Variants in KCNJ6 observed in about 807,000 individuals in gnomAD.
KCNJ6 encodes potassium inwardly rectifying channel subfamily J member 6, also known as G protein-activated inward rectifier potassium channel 2.
A neutral mutation model predicts 34.2 loss-of-function variants in KCNJ6; 9 were observed. The observed-to-expected ratio is 0.26, with a 90% CI of 0.16 to 0.46. The LOEUF (loss-of-function observed/expected upper bound fraction) is 0.46. Ranked by LOEUF, KCNJ6 falls within the 20% of genes least tolerant of loss-of-function variation. The probability of loss-of-function intolerance (pLI) is 1.00; values close to 1 mark genes in which losing one functional copy is unlikely to be tolerated. For synonymous variants in KCNJ6, 196 were observed against 207.1 expected (o/e 0.95, Z 0.46); for missense variants, 236 against 531.3 (o/e 0.44, Z 5.46).
rs117550867 is a variant in KCNJ6 at position 37,701,382 on chromosome 21, C to T, written c.946+12829G>A. ...GTAGAGGCTTCAGGTTTGACCAAGA[C>T]CAGGTTAACTTTTTGTGTGTGTGTG... On this transcript the variant is annotated intron_variant, in intron 3 of 3. Transcript: ENST00000609713. Among the ~76,000 whole-genome samples the T allele has an allele frequency of 4.2e-3, 564 of 135,840 alleles. 3 individuals are homozygous for T. Among genetic ancestry groups the T allele is most frequent in the Middle Eastern group, 7.2e-3 (2 of 278 alleles). 89.1% of individuals were successfully genotyped at this position (135,840 alleles called of 152,430 possible). A position where few individuals can be genotyped will look rare whatever the true frequency, so the allele number is the denominator to read the frequency against.
intron 3 of KCNJ6, among the ~76,000 whole-genome samples, chr21:37,677,444 G>T (rs2054569648): frequency 6.6e-6 from 1 of 152,048 alleles, no homozygotes; most frequent in African/African-American, 2.4e-5. Flanking sequence ...CAAATCCTTG[G>T]GTTTGCAGAA....
At chr21:37,853,835 C>CATATATATGTGTGT (rs1399366665) in intron 1 of KCNJ6, among the ~76,000 whole-genome samples, 2 of 43,238 alleles carry the variant, frequency 4.6e-5, no homozygotes, top group Non-Finnish European at 7.5e-5. Context: ...TTAAGAGATA[C>CATATATATGTGTGT]ATATATATAT....
intron 1 of KCNJ6, among the ~76,000 whole-genome samples, chr21:37,856,744 T>A (rs2055567150): frequency 6.6e-6 from 1 of 152,180 alleles, no homozygotes; most frequent in African/African-American, 2.4e-5. Context: ...ATTTTCCATT[T>A]TTCAAAATTA....
chr21:37,617,059 TTTCTTTTCTTTTC>T lies in KCNJ6; in HGVS notation c.*8087_*8099del, dbSNP rs2054272984. ...TTCTTTCTTTCTTTCTTTCTTTTCTTTTCTTTTCTTTTCTTTTCTTTCTTTTTCTTTCTTTCTT... is the reference window on the plus strand; with the variant it reads ...TTCTTTCTTTCTTTCTTTCTTTTCTTTTTTCTTTCTTTTTCTTTCTTTCTT... On this transcript the variant is annotated 3_prime_UTR_variant, in exon 4 of 4. Coordinates refer to ENST00000609713, the MANE Select transcript of KCNJ6 (RefSeq NM_002240.5). 3 of 13,140 alleles carry T rather than the reference TTTCTTTTCTTTTC, an allele frequency of 2.3e-4. No individual in the cohort carries two copies. The highest frequency in any genetic ancestry group is 1.1e-3 in the African/African-American group (3 of 2,820). The allele number at this position is 13,140 out of a possible 1,614,324, so 0.8% of individuals were successfully genotyped here.
chr21:37,899,026 A>C (rs2055803589), intron 1 of KCNJ6, among the ~76,000 whole-genome samples: 1 of 152,250 alleles, frequency 6.6e-6, no homozygotes, highest in African/African-American at 2.4e-5. Context: ...AAGGTTAAAA[A>C]GAACTTACAT....
chr21:37,851,658 CTG>C (rs1206354676), intron 1 of KCNJ6, among the ~76,000 whole-genome samples: 1 of 152,102 alleles, frequency 6.6e-6, no homozygotes, highest in Non-Finnish European at 1.5e-5. Flanking sequence ...GTCCTAATCT[CTG>C]TTGTTCTTTT....
chr21:37,757,832 G>A (rs965699846), intron 2 of KCNJ6, among the ~76,000 whole-genome samples: 8 of 152,260 alleles, frequency 5.3e-5, no homozygotes, highest in African/African-American at 1.7e-4. Context: ...TGGCTGGCTC[G>A]AGCCCAGGTT....
chr21:37,656,111 A>G (rs857966), intron 3 of KCNJ6, among the ~76,000 whole-genome samples: 123,805 of 152,048 alleles, frequency 0.81, 51,536 homozygotes, highest in East Asian at 0.91. Flanking sequence ...GCCTGGACTC[A>G]GCGTGATGCT....
chr21:37,628,602 A>G (rs1468988513), intron 3 of KCNJ6, among the ~76,000 whole-genome samples: 1 of 152,200 alleles, frequency 6.6e-6, no homozygotes, highest in Non-Finnish European at 1.5e-5. Context: ...GTATAAAGAG[A>G]AAATAGCAGA....
Position 37,607,482 on chromosome 21 carries a change from A to ATATATATATATATTTTT in KCNJ6, c.*17676_*17677insAAAAATATATATATATA. The ATATATATATATATTTTT allele has an allele frequency of 5.9e-3, 807 of 136,592 alleles. 3 individuals carry two copies. Among genetic ancestry groups the ATATATATATATATTTTT allele is most frequent in the South Asian group, 0.011 (46 of 4,140 alleles). 8.5% of individuals were successfully genotyped at this position (136,592 alleles called of 1,614,324 possible). On this transcript the variant is annotated 3_prime_UTR_variant, in exon 4 of 4. Coordinates refer to ENST00000609713, the MANE Select transcript of KCNJ6 (RefSeq NM_002240.5). ...CTTAAAGATATATATATATATATATATTTTTTTTTTATTTTAAAAAAATTT... is the reference window on the plus strand; with the variant it reads ...CTTAAAGATATATATATATATATATATATATATATATATTTTTTTTTTTTTTTATTTTAAAAAAATTT...
chr21:37,869,011 C>A (rs976920264), intron 1 of KCNJ6, among the ~76,000 whole-genome samples: 9 of 152,334 alleles, frequency 5.9e-5, no homozygotes, highest in Middle Eastern at 3.4e-3. Flanking sequence ...GCCTGTTGGG[C>A]AAGAAATTCA....
At chr21:37,774,944 G>A (rs11700661) in intron 2 of KCNJ6, among the ~76,000 whole-genome samples, 5 of 152,052 alleles carry the variant, frequency 3.3e-5, no homozygotes, top group African/African-American at 4.8e-5. Context: ...CACAATGGTT[G>A]AACTAGTTTA....
intron 3 of KCNJ6, among the ~76,000 whole-genome samples, chr21:37,632,711 C>A (rs2054339366): frequency 6.6e-6 from 1 of 151,912 alleles, no homozygotes; most frequent in African/African-American, 2.4e-5. Context: ...ACTGAAAACA[C>A]AAAAGGAGAT....
At chr21:37,831,711 C>T (rs2055426906) in intron 2 of KCNJ6, among the ~76,000 whole-genome samples, 1 of 152,146 alleles carries the variant, frequency 6.6e-6, no homozygotes, top group Non-Finnish European at 1.5e-5. Flanking sequence ...GCCTCCAGTC[C>T]TGTAGCTCAC....
At position 37,671,512 on chromosome 21, in the gene KCNJ6, G is replaced by A. The variant is rs537252135; in HGVS notation, c.946+42699C>T. Among the ~76,000 whole-genome samples the A allele has an allele frequency of 7.4e-4, 112 of 152,346 alleles. 1 individual carries two copies. Among genetic ancestry groups the A allele is most frequent in the African/African-American group, 2.5e-3 (106 of 41,584 alleles). ...GTAGGTGTAAGTAGAGTGGTTCCCT[G>A]AGTTCTGTGAACTGCTTTCGCAAAT... On this transcript the variant is annotated intron_variant, in intron 3 of 3. Coordinates refer to ENST00000609713, the MANE Select transcript of KCNJ6 (RefSeq NM_002240.5).
chr21:37,872,234 G>A (rs1044899239), intron 1 of KCNJ6, among the ~76,000 whole-genome samples: 20 of 152,304 alleles, frequency 1.3e-4, no homozygotes, highest in African/African-American at 4.8e-4. Context: ...CATCAAGAAT[G>A]AGTATATCTA....
chr21:37,730,976 C>A lies in KCNJ6; in HGVS notation c.26-15845G>T, dbSNP rs2054881314. Among the ~76,000 whole-genome samples the A allele has an allele frequency of 2.0e-5, 3 of 152,186 alleles. No individual in the cohort carries two copies. The East Asian group carries it at 5.8e-4, about 29-fold the overall frequency. On this transcript the variant is annotated intron_variant, in intron 2 of 3. Coordinates refer to ENST00000609713, the MANE Select transcript of KCNJ6 (RefSeq NM_002240.5). Reference sequence around the variant, plus strand: ...TGAGGCAGTGGAGGTGCATAAGGTTCAGTCACTTGCTGAAGCTTACATGTC... The same window carrying A: ...TGAGGCAGTGGAGGTGCATAAGGTTAAGTCACTTGCTGAAGCTTACATGTC...
chr21:37,901,994 A>C (rs938641005), intron 1 of KCNJ6, among the ~76,000 whole-genome samples: 3 of 152,222 alleles, frequency 2.0e-5, no homozygotes, highest in Admixed American at 2.0e-4. Context: ...TATAGAGAGA[A>C]GTAAAATAAC....
At chr21:37,742,751 G>T (rs1281561644) in intron 2 of KCNJ6, among the ~76,000 whole-genome samples, 1 of 152,142 alleles carries the variant, frequency 6.6e-6, no homozygotes, top group Non-Finnish European at 1.5e-5. Context: ...TTCAGATTGG[G>T]CTCTCTCTAA....
Sources: gnomAD v4.1 joint callset for allele counts (sites outside exome capture counted in the v4.1 genomes callset) on GRCh38, gnomAD v4.1.1 for gene constraint, MANE v1.5 for transcripts, NCBI Gene and HGNC (gene_info 2026-07-23, HGNC 2026-07-21) for gene names.